SPTBN4: variants seen among roughly 807,000 people sequenced by gnomAD.
SPTBN4 encodes the protein spectrin beta, non-erythrocytic 4, also known as spectrin beta chain, non-erythrocytic 4.
Under a neutral mutation model 277.8 loss-of-function variants are expected in SPTBN4, and 96 were observed. The ratio of observed to expected loss-of-function variants is 0.35; its 90% CI spans 0.29 to 0.41. The LOEUF is 0.41. Among genes scored for constraint, SPTBN4 ranks in the 10% least tolerant of loss-of-function variants. The pLI is 1.00. For missense variants in SPTBN4, 3,006 were observed against 3,595.7 expected (o/e 0.84, Z 4.19); for synonymous variants, 1,481 against 1,580.3 (o/e 0.94, Z 1.49).
At chr19:40,550,156 C>A in intron 21 of SPTBN4, 82 bp from the exon 22 acceptor site, 1 of 1,132,606 alleles carries the variant, frequency 8.8e-7, no homozygotes, top group African/African-American at 1.5e-5. Flanking sequence ...GCCTGGGATG[C>A]CGTGCAGGTT....
chr19:40,574,139 CAAAA>C (rs1316793211), intron 35 of SPTBN4, among the ~76,000 whole-genome samples: 1 of 151,442 alleles, frequency 6.6e-6, no homozygotes, highest in African/African-American at 2.4e-5. Flanking sequence ...CAAAACAAAA[CAAAA>C]CAAAAAAAGA....
chr19:40,500,191 A>C (rs557605852), intron 7 of SPTBN4, among the ~76,000 whole-genome samples: 1 of 152,132 alleles, frequency 6.6e-6, no homozygotes, highest in South Asian at 2.1e-4. Context: ...ATCCCAACTC[A>C]AAAAGCAAAA....
rs765598071 is a variant in SPTBN4 at position 40,570,667 on chromosome 19, C to A, written c.7258C>A (p.Gln2420Lys). Reference protein sequence around the residue: ...APPPPPTHTVQHEGFLLRKRE... With the variant: ...APPPPPTHTVKHEGFLLRKRE... ...TCCGCCACCGCCCACTCACACAGTG[C>A]AGCACGAGGGCTTCCTACTGCGCAA... is the stretch of plus-strand genomic sequence containing the variant. Residue 2420 changes from glutamine (Q) to lysine (K), a missense_variant, in exon 33 of 36, where the codon CAG (glutamine) becomes AAG (lysine). Physicochemically the swap from Gln to Lys is moderately conservative, Grantham distance 53 (BLOSUM62 1). Around this residue, in one of 5 missense-constraint regions of SPTBN4, gnomAD observed 630 missense variants for 677.6 expected, o/e 0.93. Coordinates refer to ENST00000598249, the MANE Select transcript of SPTBN4 (RefSeq NM_020971.3). 2.5e-6 allele frequency: 4 copies of A among 1,600,580 alleles called. No individual in the cohort carries two copies. Among genetic ancestry groups the A allele is most frequent in the Non-Finnish European group, 3.4e-6 (4 of 1,174,648 alleles).
chr19:40,548,540 A>AC (rs2080881972), intron 20 of SPTBN4, among the ~76,000 whole-genome samples: 1 of 151,054 alleles, frequency 6.6e-6, no homozygotes, highest in African/African-American at 2.4e-5. Context: ...ATATGGTGAA[A>AC]CCCCATCTCT....
chr19:40,543,248 G>A (rs1012479913), intron 20 of SPTBN4, among the ~76,000 whole-genome samples: 9 of 152,118 alleles, frequency 5.9e-5, no homozygotes, highest in African/African-American at 1.9e-4. Context: ...CCAGGAGTTG[G>A]AGACCCGCCT....
At chr19:40,531,348 G>A (rs1304709572) in intron 18 of SPTBN4, among the ~76,000 whole-genome samples, 2 of 151,940 alleles carry the variant, frequency 1.3e-5, no homozygotes, top group African/African-American at 2.4e-5. Context: ...CTGGACCCCT[G>A]GGGAGCACAT....
intron 13 of SPTBN4, among the ~76,000 whole-genome samples, chr19:40,510,545 T>A (rs2080379397): frequency 6.6e-6 from 1 of 152,146 alleles, no homozygotes; most frequent in Non-Finnish European, 1.5e-5. Context: ...CCTCAAGTGA[T>A]CTGCCTGCTT....
chr19:40,504,157 G>A lies in SPTBN4; in HGVS notation c.1665+25G>A, dbSNP rs760777417. On this transcript the variant is annotated intron_variant, in intron 12 of 35. Transcript: ENST00000598249. The stretch of plus-strand genomic sequence containing the variant: ...GGTGCCGGCGGGGGGGCGGGGATGC[G>A]GGTGGAGTGCCAGGAGGGAGGGGAG... 8 of 1,307,796 alleles carry A rather than the reference G, an allele frequency of 6.1e-6. 1 individual carries two copies. The highest frequency in any genetic ancestry group is 5.1e-5 in the South Asian group (4 of 79,010). The allele number at this position is 1,307,796 out of a possible 1,614,324, so 81.0% of individuals were successfully genotyped here.
chr19:40,486,234 T>G (rs970951810), intron 2 of SPTBN4, among the ~76,000 whole-genome samples: 2 of 151,608 alleles, frequency 1.3e-5, no homozygotes, highest in African/African-American at 4.9e-5. Flanking sequence ...GAGGTTGCAA[T>G]GAGCCAAGAT....
At chr19:40,528,908 A>C in intron 17 of SPTBN4, 133 bp from the exon 18 acceptor site, 11 of 604,808 alleles carry the variant, frequency 1.8e-5, no homozygotes, top group Non-Finnish European at 2.4e-5. Flanking sequence ...TTGCCCCACT[A>C]ATTCCTCCCT....
chr19:40,556,836 G>T (rs2080984339), intron 25 of SPTBN4, among the ~76,000 whole-genome samples, 187 bp from the exon 26 acceptor site: 1 of 152,218 alleles, frequency 6.6e-6, no homozygotes, highest in African/African-American at 2.4e-5. Flanking sequence ...GCTGAGGCAG[G>T]AGAATTGCTT....
At chr19:40,506,133 GGAGTGATGGTGCA>G (rs2080327159) in intron 12 of SPTBN4, 90 bp from the exon 13 acceptor site, 1 of 1,440,664 alleles carries the variant, frequency 6.9e-7, no homozygotes, top group African/African-American at 1.4e-5. Context: ...GTCAGAGTCG[GGAGTGATGGTGCA>G]GAGTAGCAGG....
chr19:40,480,476 A>G (rs1167362519), intron 2 of SPTBN4, among the ~76,000 whole-genome samples: 1 of 151,946 alleles, frequency 6.6e-6, no homozygotes, highest in Admixed American at 6.6e-5. Flanking sequence ...TCCTCATGCC[A>G]CCTCCCTATC....
intron 35 of SPTBN4, 123 bp downstream of exon 35, chr19:40,572,503 A>T: frequency 7.9e-7 from 1 of 1,271,296 alleles, no homozygotes; most frequent in Non-Finnish European, 1.1e-6. Flanking sequence ...TCAGGGCTGT[A>T]ATGGGAAAGC....
At chr19:40,570,368 T>G in intron 32 of SPTBN4, 68 bp from the exon 33 acceptor site, 1 of 982,476 alleles carries the variant, frequency 1.0e-6, no homozygotes, top group Non-Finnish European at 1.4e-6. Flanking sequence ...GACCCATGAC[T>G]CCCCCAAACA....
intron 15 of SPTBN4, among the ~76,000 whole-genome samples, chr19:40,516,148 G>A (rs1038681480): frequency 1.3e-5 from 2 of 149,750 alleles, no homozygotes; most frequent in African/African-American, 2.5e-5. Flanking sequence ...TGAGTTGGGA[G>A]GATGCCTTGA....
intron 17 of SPTBN4, among the ~76,000 whole-genome samples, chr19:40,526,579 C>CTTTCT (rs746604740): frequency 7.9e-5 from 12 of 151,104 alleles, no homozygotes; most frequent in African/African-American, 2.7e-4. Flanking sequence ...AACCCTGTTG[C>CTTTCT]TTTCTTTTCT....
intron 15 of SPTBN4, among the ~76,000 whole-genome samples, chr19:40,517,537 C>T (rs1401470031): frequency 2.6e-4 from 40 of 152,152 alleles, no homozygotes; most frequent in Admixed American, 2.6e-3. Flanking sequence ...CTCAAGTGAT[C>T]TTCTGCCTTG....
chr19:40,503,707 A>G (rs898856742), intron 11 of SPTBN4, 123 bp from the exon 12 acceptor site: 2 of 1,074,708 alleles, frequency 1.9e-6, no homozygotes, highest in Non-Finnish European at 2.6e-6. Flanking sequence ...TCTCCAGGAT[A>G]ACTAGGGAGG....
Sources: gnomAD v4.1 joint callset for allele counts (sites outside exome capture counted in the v4.1 genomes callset) on GRCh38, gnomAD v4.1.1 for gene constraint, gnomAD v4.1.1 regional missense constraint, MANE v1.5 for transcripts, NCBI Gene and HGNC (gene_info 2026-07-23, HGNC 2026-07-21) for gene names.